Variants in POLR1B observed in about 807,000 individuals in gnomAD.
POLR1B encodes RNA polymerase I subunit B, also known as DNA-directed RNA polymerase I subunit RPA2.
In POLR1B, 30 loss-of-function variants were observed where a neutral mutation model predicts 105.8. That is an observed-to-expected ratio of 0.28 (90% CI 0.21 to 0.38). The LOEUF (loss-of-function observed/expected upper bound fraction) is 0.38, where lower values mean the gene tolerates loss of function less well. POLR1B is among the 10% of genes least tolerant of loss of function. POLR1B has a pLI of 1.00. For synonymous variants in POLR1B, 485 were observed against 505.1 expected, an observed-to-expected ratio of 0.96 and a Z score of 0.53; for missense variants, 976 against 1,435.8, an observed-to-expected ratio of 0.68 and a Z score of 5.17.
chr2:112,545,171 G>A (rs1453343947), intron 1 of POLR1B, among the ~76,000 whole-genome samples: 1 of 152,170 alleles, frequency 6.6e-6, no homozygotes, highest in Non-Finnish European at 1.5e-5. Context: ...AAGTTCCTAA[G>A]CACAAGAAGG....
In POLR1B at chr2:112,567,993, C is replaced by G; in HGVS notation, c.1773C>G (p.Pro591=). The G allele has an allele frequency of 1.2e-6, 2 of 1,613,934 alleles. No individual in the cohort carries two copies. Among genetic ancestry groups the G allele is most frequent in the Non-Finnish European group, 1.7e-6 (2 of 1,179,922 alleles). ...FKVLREKRIP[P]WMEVVLIPMT... The stretch of plus-strand genomic sequence containing the variant: ...TGTTGAGAGAGAAAAGAATTCCTCC[C>G]TGGATGGAAGTGGTCCTTATACCCA... The change falls in exon 11 of 15, where the codon CCC becomes CCG. Residue 591 remains proline (P), a synonymous_variant. Transcript: ENST00000263331.
intron 9 of POLR1B, among the ~76,000 whole-genome samples, chr2:112,562,892 A>AT (rs1010904507): frequency 6.7e-6 from 1 of 149,508 alleles, no homozygotes; most frequent in Non-Finnish European, 1.5e-5. Flanking sequence ...TGCCCGGATA[A>AT]TTTTTTTTGT....
intron 14 of POLR1B, among the ~76,000 whole-genome samples, chr2:112,574,021 A>G (rs574539319): frequency 1.0e-3 from 159 of 151,828 alleles, no homozygotes; most frequent in African/African-American, 3.6e-3. Context: ...AATTTTTTGT[A>G]TTTTTAGTAT....
chr2:112,552,668 A>T lies in POLR1B; in HGVS notation c.1010A>T (p.Lys337Ile), dbSNP rs928650369. ...LFNQCICIHL[K>I]SNTEKFYMLC... ...AGCCAGTGCATCTGTATCCACTTGA[A>T]ATCCAATACTGAAAAGTTTTATATG... is the stretch of plus-strand genomic sequence containing the variant. The change falls in exon 7 of 15, where the codon AAA becomes ATA. Residue 337 changes from lysine (K) to isoleucine (I), a missense_variant. Coordinates refer to ENST00000263331, the MANE Select transcript of POLR1B (RefSeq NM_019014.6). 3.1e-6 allele frequency: 5 copies of T among 1,596,122 alleles called. No individual in the cohort carries two copies. The highest frequency in any genetic ancestry group is 3.6e-5 in the Admixed American group (2 of 56,094).
chr2:112,546,581 A>C (rs1184580586), intron 1 of POLR1B, among the ~76,000 whole-genome samples: 1 of 59,416 alleles, frequency 1.7e-5, no homozygotes, highest in Non-Finnish European at 2.9e-5. Context: ...TTTTTTTTTG[A>C]GACGGAGTCT....
intron 4 of POLR1B, among the ~76,000 whole-genome samples, chr2:112,549,722 TAGTC>T (rs1343303846): frequency 2.6e-5 from 4 of 152,146 alleles, no homozygotes; most frequent in Admixed American, 6.5e-5. Context: ...GGAGAGATGT[TAGTC>T]AGAGGATACA....
chr2:112,568,638 T>C lies in POLR1B; in HGVS notation c.1918-108T>C. ...TCCCTTCAGCACTCATGATGCTGGG[T>C]GGGGATGGTTTTCTCTTGAGTCTTT... On this transcript the variant is annotated intron_variant, in intron 11 of 14. Transcript: ENST00000263331. 3.2e-6 allele frequency: 4 copies of C among 1,239,436 alleles called. No homozygotes were observed. In the East Asian group the frequency reaches 9.4e-5, roughly 29 times the overall value. The allele number at this position is 1,239,436 out of a possible 1,614,324, so 76.8% of individuals were successfully genotyped here.
chr2:112,574,072 T>C (rs576976548), intron 14 of POLR1B, among the ~76,000 whole-genome samples: 30 of 152,270 alleles, frequency 2.0e-4, no homozygotes, highest in Non-Finnish European at 3.8e-4. Context: ...CTCGAACTCC[T>C]GGGCTCAAGT....
In POLR1B at chr2:112,568,766, C is replaced by T. The variant is rs1405132771; in HGVS notation, c.1938C>T (p.Ile646=). The T allele has an allele frequency of 2.5e-6, 4 of 1,613,988 alleles. No individual in the cohort carries two copies. Among genetic ancestry groups the T allele is most frequent in the Non-Finnish European group, 3.4e-6 (4 of 1,180,014 alleles). Residue 646 remains isoleucine (I), a synonymous_variant, in exon 12 of 15, where the codon ATC becomes ATT. Transcript: ENST00000263331. ...TCCAGATCTTCATGAATGTCGCTAT[C>T]TTTGAGGATGAAGTTTTTGCTGGAG... is the stretch of plus-strand genomic sequence containing the variant. ...TMEQIFMNVA[I]FEDEVFAGVT...
rs767442787 is a variant in POLR1B at position 112,543,235 on chromosome 2, G to A, written c.177+564G>A. On this transcript the variant is annotated intron_variant, in intron 1 of 14. Coordinates refer to ENST00000263331, the MANE Select transcript of POLR1B (RefSeq NM_019014.6). ...AGTAATGGTAGCAGAATTCAAGTGA[G>A]TATGGTGGGGGAAAGCTTCGTTTAG... 2.5e-4 allele frequency among the ~76,000 whole-genome samples: 38 copies of A among 152,342 alleles called. No homozygotes were observed. In the Middle Eastern group the frequency reaches 0.017, roughly 68 times the overall value.
Position 112,568,909 on chromosome 2 carries a change from A to G in POLR1B, c.2074+7A>G. ...ATGTACCAATGCCAGATGGGTAAGG[A>G]AGAGGGATGATGTTACAGTCACAAT... is the stretch of plus-strand genomic sequence containing the variant. On this transcript the variant is annotated splice_region_variant and intron_variant, in intron 12 of 14. Coordinates refer to ENST00000263331, the MANE Select transcript of POLR1B (RefSeq NM_019014.6). 6.2e-7 allele frequency: 1 copy of G among 1,613,288 alleles called. No individual in the cohort carries two copies. The highest frequency in any genetic ancestry group is 8.5e-7 in the Non-Finnish European group (1 of 1,179,504).
At chr2:112,569,278 T>G (rs1356941870) in intron 12 of POLR1B, among the ~76,000 whole-genome samples, 1 of 152,248 alleles carries the variant, frequency 6.6e-6, no homozygotes, top group African/African-American at 2.4e-5. Flanking sequence ...TCTTCATTCC[T>G]GCTGCAAGAT....
intron 12 of POLR1B, among the ~76,000 whole-genome samples, chr2:112,570,318 G>T (rs1684526423): frequency 6.6e-6 from 1 of 151,884 alleles, no homozygotes; most frequent in African/African-American, 2.4e-5. Flanking sequence ...AAAATGCTGG[G>T]GTTACAGGTG....
chr2:112,579,716 G>A lies in POLR1B; in HGVS notation c.*3987G>A, dbSNP rs1265919011. 6.6e-6 allele frequency: 1 copy of A among 152,192 alleles called. No homozygotes were observed. Among genetic ancestry groups the A allele is most frequent in the Admixed American group, 6.5e-5 (1 of 15,276 alleles). 9.4% of individuals were successfully genotyped at this position (152,192 alleles called of 1,614,324 possible). A position where few individuals can be genotyped will look rare whatever the true frequency, so the allele number is the denominator to read the frequency against. On this transcript the variant is annotated 3_prime_UTR_variant, in exon 15 of 15. Transcript: ENST00000263331. The stretch of plus-strand genomic sequence containing the variant: ...TTTATTTGCCATCTGTGTATCTTCA[G>A]TGAAATGTCTGCTGTTCATTTTTTA...
At chr2:112,556,997 A>G (rs754191130) in intron 7 of POLR1B, among the ~76,000 whole-genome samples, 9 of 152,170 alleles carry the variant, frequency 5.9e-5, no homozygotes, top group African/African-American at 4.8e-5. Context: ...GAAAATATAC[A>G]ATAAGGCTGG....
intron 9 of POLR1B, among the ~76,000 whole-genome samples, chr2:112,564,145 C>T (rs1684156836): frequency 6.6e-6 from 1 of 152,150 alleles, no homozygotes; most frequent in Non-Finnish European, 1.5e-5. Flanking sequence ...AATGCCAGCA[C>T]AGAGACACAA....
intron 12 of POLR1B, among the ~76,000 whole-genome samples, chr2:112,569,995 T>A (rs1684509972): frequency 6.6e-6 from 1 of 152,104 alleles, no homozygotes; most frequent in South Asian, 2.1e-4. Flanking sequence ...TTGATATTGT[T>A]CCATAAGACA....
At chr2:112,549,082 T>C (rs2104513960) in intron 3 of POLR1B, among the ~76,000 whole-genome samples, 185 bp from the exon 4 acceptor site, 1 of 152,326 alleles carries the variant, frequency 6.6e-6, no homozygotes, top group African/African-American at 2.4e-5. Flanking sequence ...CTTTGTAATA[T>C]ACTTGAGAAA....
rs995100964 is a variant in POLR1B at position 112,577,432 on chromosome 2, C to T, written c.*1703C>T. On this transcript the variant is annotated 3_prime_UTR_variant, in exon 15 of 15. Transcript: ENST00000263331. Reference sequence around the variant, plus strand: ...AGCATAGTGGCACACCCCTGTAGTCCCAGCTACTTGGGAGGCTGAGGTGGG... The same window carrying T: ...AGCATAGTGGCACACCCCTGTAGTCTCAGCTACTTGGGAGGCTGAGGTGGG... 6.6e-6 allele frequency among the ~76,000 whole-genome samples: 1 copy of T among 152,148 alleles called. No homozygotes were observed. Among genetic ancestry groups the T allele is most frequent in the East Asian group, 1.9e-4 (1 of 5,188 alleles).
Sources: gnomAD v4.1 joint callset for allele counts (sites outside exome capture counted in the v4.1 genomes callset) on GRCh38, gnomAD v4.1.1 for gene constraint, MANE v1.5 for transcripts, NCBI Gene and HGNC (gene_info 2026-07-23, HGNC 2026-07-21) for gene names.